The following ZMIZ1 variants were observed in gnomAD, a reference collection of about 807,000 sequenced individuals.
The protein encoded by ZMIZ1 is zinc finger MIZ-type containing 1.
Under a neutral mutation model 113.9 loss-of-function variants are expected in ZMIZ1, and 17 were observed. That is an observed-to-expected ratio of 0.15 (90% CI 0.10 to 0.22). The LOEUF is 0.22. Among genes scored for constraint, ZMIZ1 ranks in the 10% least tolerant of loss-of-function variants. The pLI is 1.00. For synonymous variants in ZMIZ1, 607 were observed against 603.1 expected (o/e 1.01, Z -0.09); for missense variants, 1,059 against 1,477.8 (o/e 0.72, Z 4.65).
At chr10:79,192,233 G>C (rs1847636922) in intron 4 of ZMIZ1, among the ~76,000 whole-genome samples, 1 of 152,262 alleles carries the variant, frequency 6.6e-6, no homozygotes, top group African/African-American at 2.4e-5. Flanking sequence ...CCAGCCCTGT[G>C]TGGGTTGGGT....
At chr10:79,239,679 C>T (rs1849730238) in intron 7 of ZMIZ1, among the ~76,000 whole-genome samples, 1 of 152,152 alleles carries the variant, frequency 6.6e-6, no homozygotes, top group South Asian at 2.1e-4. Context: ...CCTCTCAGCC[C>T]CCAGGCCTCC....
Position 79,069,989 on chromosome 10 carries a change from CA to C in ZMIZ1, c.-337+720del, listed in dbSNP as rs1842201084. 6.6e-6 allele frequency among the ~76,000 whole-genome samples: 1 copy of C among 150,654 alleles called. No individual in the cohort carries two copies. Among genetic ancestry groups the C allele is most frequent in the Non-Finnish European group, 1.5e-5 (1 of 67,586 alleles). On this transcript the variant is annotated intron_variant, in intron 1 of 24. Coordinates refer to ENST00000334512, the MANE Select transcript of ZMIZ1 (RefSeq NM_020338.4). This position sits in a 1 kb window ranked among gnomAD's most constrained non-coding sequence, Gnocchi z 4.6. ...GGCTGCCCCGGCCAGGAGGGGAGCC[CA>C]GGGGGAAGATGTGCGTGTGTGTGCG...
Position 79,297,622 on chromosome 10 carries a change from T to C in ZMIZ1, c.1423T>C (p.Phe475Leu). The C allele has an allele frequency of 6.2e-7, 1 of 1,613,982 alleles. No homozygotes were observed. Among genetic ancestry groups the C allele is most frequent in the East Asian group, 2.2e-5 (1 of 44,878 alleles). Reference protein sequence around the residue: ...NMGQYYKPEQFNGQNNTFSGS... With the variant: ...NMGQYYKPEQLNGQNNTFSGS... Reference sequence around the variant, plus strand: ...TATCTTGTTTTAATAGCCAGAACAGTTTAATGGACAAAATAACACGTTCTC... The same window carrying C: ...TATCTTGTTTTAATAGCCAGAACAGCTTAATGGACAAAATAACACGTTCTC... The change falls in exon 14 of 25, where the codon TTT becomes CTT. Residue 475 changes from phenylalanine to leucine, a missense_variant. Physicochemically the swap from Phe to Leu is conservative, Grantham distance 22. Coordinates refer to ENST00000334512, the MANE Select transcript of ZMIZ1 (RefSeq NM_020338.4).
Position 79,171,653 on chromosome 10 carries a change from G to A in ZMIZ1, c.-50+9520G>A, listed in dbSNP as rs538712201. Among the ~76,000 whole-genome samples, 12 of 152,342 alleles carry A rather than the reference G, an allele frequency of 7.9e-5. 1 individual carries two copies. The highest frequency in any genetic ancestry group is 2.6e-4 in the African/African-American group (11 of 41,582). On this transcript the variant is annotated intron_variant, in intron 4 of 24. Transcript: ENST00000334512. ...GCAGGAAGAAAATTTGTGATGCACC[G>A]TGTCCACGGGGCAAGGGATGTGTTG...
intron 4 of ZMIZ1, among the ~76,000 whole-genome samples, chr10:79,181,244 G>A (rs1847112334): frequency 6.6e-6 from 1 of 152,196 alleles, no homozygotes; most frequent in Non-Finnish European, 1.5e-5. Flanking sequence ...CTCAGGGGCT[G>A]ACTCAGGTCA....
chr10:79,208,065 G>A (rs1283386495), intron 5 of ZMIZ1, among the ~76,000 whole-genome samples: 1 of 147,730 alleles, frequency 6.8e-6, no homozygotes, highest in East Asian at 2.0e-4. Context: ...AGAGGTGGAG[G>A]TGAGGGTGGG....
intron 24 of ZMIZ1, among the ~76,000 whole-genome samples, chr10:79,311,580 G>A (rs905426787): frequency 1.3e-5 from 2 of 152,168 alleles, no homozygotes; most frequent in Non-Finnish European, 2.9e-5. Flanking sequence ...TGTCTGCCTC[G>A]CTGGTGTGTG....
intron 1 of ZMIZ1, among the ~76,000 whole-genome samples, chr10:79,090,549 C>T (rs953360216): frequency 6.6e-6 from 1 of 152,200 alleles, no homozygotes; most frequent in Non-Finnish European, 1.5e-5. Flanking sequence ...TTATTTATTT[C>T]TCCAGAAATC....
At chr10:79,149,196 G>A (rs1484921290) in intron 3 of ZMIZ1, among the ~76,000 whole-genome samples, 1 of 152,190 alleles carries the variant, frequency 6.6e-6, no homozygotes, top group Admixed American at 6.5e-5. Context: ...GCAAGGCTGG[G>A]CCCCAGGCAG....
intron 7 of ZMIZ1, among the ~76,000 whole-genome samples, chr10:79,227,936 G>A (rs1849257157): frequency 6.6e-6 from 1 of 152,222 alleles, no homozygotes; most frequent in South Asian, 2.1e-4. Flanking sequence ...CTGCAGAAGG[G>A]GAAAGTAGAG....
In ZMIZ1 at chr10:79,216,246, C is replaced by T; in HGVS notation, c.252C>T (p.Asn84=). 1.3e-6 allele frequency: 2 copies of T among 1,591,106 alleles called. No individual in the cohort carries two copies. The highest frequency in any genetic ancestry group is 1.7e-6 in the Non-Finnish European group (2 of 1,168,656). The change falls in exon 7 of 25, where the codon AAC becomes AAT. Residue 84 remains asparagine (N), a synonymous_variant. Coordinates refer to ENST00000334512, the MANE Select transcript of ZMIZ1 (RefSeq NM_020338.4). ...GYRLLAVCAA[N]RDKFTPKSAA... is the part of the protein sequence containing the mutation. Reference sequence around the variant, plus strand: ...GACTGCTGGCTGTGTGTGCTGCAAACCGAGACAAGTTCACCCCGAAGTCTG... The same window carrying T: ...GACTGCTGGCTGTGTGTGCTGCAAATCGAGACAAGTTCACCCCGAAGTCTG...
intron 3 of ZMIZ1, among the ~76,000 whole-genome samples, chr10:79,141,944 C>G (rs566311215): frequency 3.4e-4 from 52 of 152,200 alleles, no homozygotes; most frequent in Non-Finnish European, 2.8e-4. Flanking sequence ...GTGATGGGAA[C>G]AGGGACGAAG....
intron 1 of ZMIZ1, among the ~76,000 whole-genome samples, chr10:79,070,715 G>A (rs1395320281): frequency 6.6e-6 from 1 of 152,048 alleles, no homozygotes; most frequent in Non-Finnish European, 1.5e-5. Context: ...TGCCTGACCG[G>A]GGAGGCCTGA....
intron 2 of ZMIZ1, among the ~76,000 whole-genome samples, chr10:79,119,243 A>G (rs1193305650): frequency 6.6e-6 from 1 of 152,174 alleles, no homozygotes; most frequent in Non-Finnish European, 1.5e-5. Flanking sequence ...GGACCTGGAC[A>G]TGGGATTTTA....
chr10:79,139,236 G>C (rs1035334939), intron 2 of ZMIZ1, among the ~76,000 whole-genome samples: 2 of 152,142 alleles, frequency 1.3e-5, no homozygotes, highest in Non-Finnish European at 2.9e-5. Flanking sequence ...CTTTGGAAGT[G>C]GCTGCCGGCC....
chr10:79,289,652 A>C, intron 8 of ZMIZ1, 123 bp from the exon 9 acceptor site: 1 of 837,150 alleles, frequency 1.2e-6, no homozygotes, highest in South Asian at 1.6e-5. Context: ...TCCAGTACCG[A>C]CTCGGATGGG....
At chr10:79,305,710 A>G (rs1386926590) in intron 21 of ZMIZ1, 109 bp downstream of exon 21, 4 of 1,151,466 alleles carry the variant, frequency 3.5e-6, no homozygotes, top group Non-Finnish European at 5.2e-6. Flanking sequence ...CCAGGCCAGC[A>G]GACCGTGACC....
intron 1 of ZMIZ1, among the ~76,000 whole-genome samples, chr10:79,086,792 G>A (rs916278426): frequency 6.6e-6 from 1 of 151,592 alleles, no homozygotes; most frequent in African/African-American, 2.4e-5. Flanking sequence ...AATCTTTTTG[G>A]AAGCTCTGTG....
In ZMIZ1 at chr10:79,307,271, G is replaced by A. The variant is rs376757058; in HGVS notation, c.2669-134G>A. 12 of 841,216 alleles carry A rather than the reference G, an allele frequency of 1.4e-5. No individual in the cohort carries two copies. The Admixed American group carries it at 2.0e-4, about 14-fold the overall frequency. 52.1% of individuals were successfully genotyped at this position (841,216 alleles called of 1,614,324 possible). Reference sequence around the variant, plus strand: ...CTCTATCCTACAGCCCGGAAGCCTCGGGCTGCTGTGACCTACTACAGCCTC... The same window carrying A: ...CTCTATCCTACAGCCCGGAAGCCTCAGGCTGCTGTGACCTACTACAGCCTC... On this transcript the variant is annotated intron_variant, in intron 22 of 24. Transcript: ENST00000334512.
Sources: gnomAD v4.1 joint callset for allele counts (sites outside exome capture counted in the v4.1 genomes callset) on GRCh38, gnomAD v4.1.1 for gene constraint, Gnocchi (gnomAD v3.1) non-coding constraint, MANE v1.5 for transcripts, NCBI Gene and HGNC (gene_info 2026-07-23, HGNC 2026-07-21) for gene names.